The following DPH6 variants were observed in gnomAD, a reference collection of about 807,000 sequenced individuals.
DPH6 encodes the protein diphthine--ammonia ligase.
DPH6 carries 33 observed loss-of-function variants against 38.2 expected under a neutral mutation model. The ratio of observed to expected loss-of-function variants is 0.86; its 90% CI spans 0.65 to 1.15. DPH6 has a LOEUF of 1.15. DPH6 is among the 50% of genes most tolerant of loss of function. The pLI is 0.00. For synonymous variants in DPH6, 108 were observed against 103.0 expected (o/e 1.05, Z -0.30); for missense variants, 325 against 320.0 (o/e 1.02, Z -0.12).
At chr15:35,388,851 C>T (rs932482377) in intron 6 of DPH6, among the ~76,000 whole-genome samples, 2 of 152,144 alleles carry the variant, frequency 1.3e-5, no homozygotes, top group African/African-American at 4.8e-5. Context: ...TTCAGTTCTG[C>T]TCTGATCTTA....
chr15:35,286,489 A>C (rs1046756455), intron 3 of DPH6, among the ~76,000 whole-genome samples: 2 of 152,226 alleles, frequency 1.3e-5, no homozygotes, highest in African/African-American at 4.8e-5. Context: ...AGGACACAGA[A>C]TAGGCAACAT....
At chr15:35,288,559 T>C (rs1470706525) in intron 3 of DPH6, among the ~76,000 whole-genome samples, 1 of 152,184 alleles carries the variant, frequency 6.6e-6, no homozygotes, top group Non-Finnish European at 1.5e-5. Context: ...TTTTGACAAA[T>C]TACTTATGAA....
At chr15:35,348,759 T>G (rs2052483147) in intron 3 of DPH6, among the ~76,000 whole-genome samples, 2 of 152,128 alleles carry the variant, frequency 1.3e-5, no homozygotes, top group Admixed American at 1.3e-4. Flanking sequence ...TTAACACTAT[T>G]AAGTCTTTCA....
At chr15:35,331,565 C>T (rs8042865) in intron 3 of DPH6, among the ~76,000 whole-genome samples, 54,644 of 151,968 alleles carry the variant, frequency 0.36, 11,575 homozygotes, top group African/African-American at 0.6. Flanking sequence ...TGGGTTGTCC[C>T]AAAAGAGAGT....
chr15:35,427,756 G>A (rs1375852983), intron 5 of DPH6, among the ~76,000 whole-genome samples: 1 of 151,774 alleles, frequency 6.6e-6, no homozygotes, highest in Non-Finnish European at 1.5e-5. Flanking sequence ...TGAGAGTATT[G>A]GGGAAAATAA....
rs540193595 is a variant in DPH6, at chr15:35,275,182, T to G, written n.201-54600A>C. Among the ~76,000 whole-genome samples, 91 of 152,312 alleles carry G rather than the reference T, an allele frequency of 6.0e-4. No individual in the cohort carries two copies. The East Asian group carries it at 0.013, about 21-fold the overall frequency. The stretch of plus-strand genomic sequence containing the variant: ...TGCCCACCCCAGCCTCCCAAAGTGC[T>G]GGGATTACAGGCTTGAGCCACCGCG... On this transcript the variant is annotated intron_variant and non_coding_transcript_variant, in intron 3 of 3. Transcript: ENST00000560386.
intron 3 of DPH6, among the ~76,000 whole-genome samples, chr15:35,470,543 G>A (rs2054185552): frequency 6.6e-6 from 1 of 152,158 alleles, no homozygotes; most frequent in South Asian, 2.1e-4. Flanking sequence ...TGGTGCAATT[G>A]CTAGAAAAGA....
intron 3 of DPH6, among the ~76,000 whole-genome samples, chr15:35,239,973 A>AG (rs1428615285): frequency 2.1e-5 from 3 of 139,536 alleles, no homozygotes; most frequent in African/African-American, 7.8e-5. Context: ...GCTTTTCTGG[A>AG]GGGCAAGAAC....
intron 3 of DPH6, among the ~76,000 whole-genome samples, chr15:35,236,594 G>A (rs572310934): frequency 9.3e-5 from 14 of 151,024 alleles, no homozygotes; most frequent in African/African-American, 2.2e-4. Context: ...AGCCCAGATC[G>A]CGCCACTGCA....
intron 6 of DPH6, among the ~76,000 whole-genome samples, chr15:35,389,309 T>C (rs1595522441): frequency 1.3e-5 from 2 of 152,344 alleles, no homozygotes; most frequent in Admixed American, 1.3e-4. Context: ...GAAAAGAATG[T>C]ATATTCTGTT....
Position 35,238,843 on chromosome 15 carries a change from T to A in DPH6, n.201-18261A>T, listed in dbSNP as rs533108075. The stretch of plus-strand genomic sequence containing the variant: ...CCTTCTCCTGGCTCAGAAGCTCCCC[T>A]ACTGAGCACCTTGTGACCCCTGCCC... On this transcript the variant is annotated intron_variant and non_coding_transcript_variant, in intron 3 of 3. Coordinates refer to the DPH6 transcript ENST00000560386. Among the ~76,000 whole-genome samples, 280 of 151,468 alleles carry A rather than the reference T, an allele frequency of 1.8e-3. 5 individuals are homozygous for A. The highest frequency in any genetic ancestry group is 4.7e-3 in the East Asian group (24 of 5,090).
exon 4 of DPH6, chr15:35,218,521 T>C (rs1279433412): frequency 6.6e-6 from 1 of 152,210 alleles, no homozygotes; most frequent in Non-Finnish European, 1.5e-5. Context: ...TTGACCTTAA[T>C]GAGAACCTAA....
intron 3 of DPH6, among the ~76,000 whole-genome samples, chr15:35,471,131 A>G (rs1284050824): frequency 1.3e-5 from 2 of 152,222 alleles, no homozygotes; most frequent in Non-Finnish European, 2.9e-5. Context: ...CTAATGTAAC[A>G]TGTGAAGGTG....
At chr15:35,384,080 C>G (rs1433372842) in intron 6 of DPH6, among the ~76,000 whole-genome samples, 3 of 152,202 alleles carry the variant, frequency 2.0e-5, no homozygotes, top group Non-Finnish European at 4.4e-5. Flanking sequence ...TTACACTGTT[C>G]ATAGAAAACA....
chr15:35,489,556 T>C, intron 3 of DPH6: 2 of 983,312 alleles, frequency 2.0e-6, no homozygotes, highest in Non-Finnish European at 2.4e-6. Flanking sequence ...TATATCTTTC[T>C]CATGTTTAAA....
intron 6 of DPH6, among the ~76,000 whole-genome samples, chr15:35,385,855 T>A (rs1043345134): frequency 2.0e-5 from 3 of 152,178 alleles, no homozygotes; most frequent in Non-Finnish European, 1.5e-5. Flanking sequence ...CATTTTTTTT[T>A]ATTATTATAC....
At chr15:35,302,789 ATTTTTCTTTTTTT>A (rs1159844715) in intron 3 of DPH6, among the ~76,000 whole-genome samples, 3 of 151,126 alleles carry the variant, frequency 2.0e-5, no homozygotes, top group African/African-American at 4.9e-5. Flanking sequence ...AATGAAGACG[ATTTTTCTTTTTTT>A]TTTTTCTCAT....
intron 3 of DPH6, among the ~76,000 whole-genome samples, chr15:35,353,504 C>T (rs1289154382): frequency 6.6e-6 from 1 of 152,176 alleles, no homozygotes; most frequent in Admixed American, 6.5e-5. Flanking sequence ...ATATGGCTAG[C>T]CAGTTTTCCC....
chr15:35,203,371 T>C, the DPH6 span, among the ~76,000 whole-genome samples: 5 of 151,738 alleles, frequency 3.3e-5, no homozygotes, highest in Non-Finnish European at 7.4e-5. Context: ...GAATGATATA[T>C]TTAAAAAAAA....
Sources: allele counts gnomAD v4.1 joint callset (sites outside exome capture counted in the v4.1 genomes callset), GRCh38; gene constraint gnomAD v4.1.1; transcripts MANE v1.5; gene names NCBI Gene and HGNC (gene_info 2026-07-23, HGNC 2026-07-21).